ITGA9: variants seen among roughly 807,000 people sequenced by gnomAD.
The protein encoded by ITGA9 is integrin alpha-9.
In ITGA9, 56 loss-of-function variants were observed where a neutral mutation model predicts 127.8. That is an observed-to-expected ratio of 0.44 (90% CI 0.35 to 0.55). ITGA9 has a LOEUF of 0.55. Among genes scored for constraint, ITGA9 ranks in the 20% least tolerant of loss-of-function variants. ITGA9 has a pLI of 0.00. For missense variants in ITGA9, 1,196 were observed against 1,347.1 expected, an observed-to-expected ratio of 0.89 and a Z score of 1.76; for synonymous variants, 508 against 514.5, an observed-to-expected ratio of 0.99 and a Z score of 0.17.
intron 25 of ITGA9, among the ~76,000 whole-genome samples, chr3:37,784,358 G>A (rs904203138): frequency 1.6e-4 from 24 of 152,128 alleles, no homozygotes; most frequent in African/African-American, 5.3e-4. Flanking sequence ...TCTGGCTGGG[G>A]GGTGATTCCA....
At chr3:37,764,451 C>T (rs1334159331) in intron 23 of ITGA9, among the ~76,000 whole-genome samples, 2 of 132,142 alleles carry the variant, frequency 1.5e-5, no homozygotes, top group Non-Finnish European at 3.1e-5. Flanking sequence ...CTCAGAAACA[C>T]TCCGAGATTC....
At chr3:37,668,832 C>T (rs1700610094) in intron 17 of ITGA9, among the ~76,000 whole-genome samples, 1 of 152,236 alleles carries the variant, frequency 6.6e-6, no homozygotes, top group African/African-American at 2.4e-5. Flanking sequence ...CCAAAGGCAG[C>T]TGTGGCTTCG....
At chr3:37,789,539 C>T (rs1446732081) in intron 26 of ITGA9, among the ~76,000 whole-genome samples, 1 of 151,008 alleles carries the variant, frequency 6.6e-6, no homozygotes, top group South Asian at 2.1e-4. Flanking sequence ...GCGGGTGGAC[C>T]ACAAAGTCAG....
Position 37,741,739 on chromosome 3 carries a change from G to T in ITGA9, c.2244G>T (p.Thr748=), listed in dbSNP as rs190329901. The part of the protein sequence containing the change: ...SFIVTAQSGN[T]ERSESLHDNT... The stretch of plus-strand genomic sequence containing the variant: ...TCCTCTCTCTGCACAGTGGCAACAC[G>T]GAGCGCTCTGAATCCCTGCATGACA... Residue 748 remains threonine, a synonymous_variant, in exon 21 of 28, where the codon ACG becomes ACT. Coordinates refer to ENST00000264741, the MANE Select transcript of ITGA9 (RefSeq NM_002207.3). The T allele has an allele frequency of 3.7e-6, 6 of 1,613,380 alleles. No individual in the cohort carries two copies. The highest frequency in any genetic ancestry group is 1.1e-5 in the South Asian group (1 of 90,838).
chr3:37,714,261 G>A (rs1466868780), intron 18 of ITGA9, among the ~76,000 whole-genome samples: 1 of 152,174 alleles, frequency 6.6e-6, no homozygotes, highest in Non-Finnish European at 1.5e-5. Context: ...AATGATGAAG[G>A]TACTCTGTAA....
chr3:37,726,387 A>G (rs968507332), intron 18 of ITGA9, among the ~76,000 whole-genome samples: 4 of 152,352 alleles, frequency 2.6e-5, no homozygotes, highest in African/African-American at 9.6e-5. Context: ...TCTACCTAGC[A>G]TTGAGCATAA....
intron 16 of ITGA9, among the ~76,000 whole-genome samples, chr3:37,636,354 GT>G (rs1700278597): frequency 6.6e-6 from 1 of 152,162 alleles, no homozygotes; most frequent in East Asian, 1.9e-4. Context: ...TCTCATTGTG[GT>G]TTTGATTTGC....
chr3:37,521,921 G>A (rs1699048093), intron 11 of ITGA9, among the ~76,000 whole-genome samples: 2 of 152,150 alleles, frequency 1.3e-5, no homozygotes, highest in African/African-American at 4.8e-5. Flanking sequence ...TTGGTGCTTG[G>A]ACATTTCCTG....
intron 26 of ITGA9, among the ~76,000 whole-genome samples, chr3:37,791,354 C>CAA (rs35988950): frequency 0.16 from 23,829 of 152,138 alleles, 2,082 homozygotes; most frequent in Middle Eastern, 0.23. Flanking sequence ...GAGCATGCAC[C>CAA]AGACTGAGGT....
chr3:37,545,507 G>A (rs1008921156), intron 15 of ITGA9, among the ~76,000 whole-genome samples: 21 of 152,120 alleles, frequency 1.4e-4, no homozygotes, highest in Non-Finnish European at 2.5e-4. Context: ...TCCATTCACC[G>A]TATTGGAGGG....
At chr3:37,564,723 A>G (rs189788272) in intron 15 of ITGA9, among the ~76,000 whole-genome samples, 36 of 152,342 alleles carry the variant, frequency 2.4e-4, no homozygotes, top group East Asian at 9.6e-4. Context: ...ATGCCTGTGC[A>G]TGCAAACATG....
At chr3:37,750,047 C>A (rs1388594222) in intron 22 of ITGA9, among the ~76,000 whole-genome samples, 1 of 144,472 alleles carries the variant, frequency 6.9e-6, no homozygotes, top group East Asian at 2.3e-4. Flanking sequence ...CCACTCCATA[C>A]CCCCCCACCA....
At position 37,653,701 on chromosome 3, in the gene ITGA9, G is replaced by A. The variant is rs3821909; in HGVS notation, c.1840-13G>A. The A allele has an allele frequency of 0.21, 341,279 of 1,601,866 alleles. 38,285 individuals carry two copies. The highest frequency in any genetic ancestry group is 0.38 in the African/African-American group (28,551 of 74,580). On this transcript the variant is annotated splice_polypyrimidine_tract_variant and intron_variant, in intron 16 of 27. Transcript: ENST00000264741. ...AATCCTGCCCTAACCTTCCTCTCCT[G>A]TCTTTCTCACAGACTGTTTTTGAAA...
chr3:37,727,123 G>T (rs1696221014), intron 18 of ITGA9, among the ~76,000 whole-genome samples: 2 of 152,216 alleles, frequency 1.3e-5, no homozygotes, highest in Admixed American at 6.5e-5. Flanking sequence ...TGGTGATGAT[G>T]TGGCTGACGA....
chr3:37,572,908 A>G (rs1699616175), intron 15 of ITGA9, among the ~76,000 whole-genome samples: 1 of 152,226 alleles, frequency 6.6e-6, no homozygotes, highest in Non-Finnish European at 1.5e-5. Flanking sequence ...GTCATAAATC[A>G]TGTCTGTAAA....
At chr3:37,484,594 C>T (rs918690099) in intron 4 of ITGA9, among the ~76,000 whole-genome samples, 4 of 152,154 alleles carry the variant, frequency 2.6e-5, no homozygotes, top group African/African-American at 9.7e-5. Context: ...CCTAGAACAG[C>T]CTCCTGTCTT....
At chr3:37,531,567 G>A (rs1293695027) in intron 13 of ITGA9, among the ~76,000 whole-genome samples, 3 of 152,130 alleles carry the variant, frequency 2.0e-5, no homozygotes, top group African/African-American at 7.2e-5. Flanking sequence ...CCTCCTCCCT[G>A]ACGAGGTGGC....
At chr3:37,546,941 T>C (rs1239775382) in intron 15 of ITGA9, among the ~76,000 whole-genome samples, 1 of 152,182 alleles carries the variant, frequency 6.6e-6, no homozygotes, top group African/African-American at 2.4e-5. Context: ...GCACAGGCCT[T>C]TTGTGAGATC....
At chr3:37,782,539 C>T (rs1696987456) in intron 25 of ITGA9, among the ~76,000 whole-genome samples, 1 of 152,184 alleles carries the variant, frequency 6.6e-6, no homozygotes, top group African/African-American at 2.4e-5. Context: ...CAGCAGAAAC[C>T]AGGAGCACTT....
Sources: allele counts gnomAD v4.1 joint callset (sites outside exome capture counted in the v4.1 genomes callset), GRCh38; gene constraint gnomAD v4.1.1; transcripts MANE v1.5; gene names NCBI Gene and HGNC (gene_info 2026-07-23, HGNC 2026-07-21).